Variants in PACRG observed in about 807,000 individuals in gnomAD.
PACRG encodes parkin coregulated gene protein.
A neutral mutation model predicts 29.7 loss-of-function variants in PACRG; 29 were observed. The observed-to-expected ratio is 0.98, with a 90% CI of 0.73 to 1.33. The LOEUF (loss-of-function observed/expected upper bound fraction) is 1.33, where lower values mean the gene tolerates loss of function less well. PACRG is among the 40% of genes most tolerant of loss of function. PACRG has a pLI of 0.00. For synonymous variants in PACRG, 116 were observed against 118.7 expected (o/e 0.98, Z 0.15); for missense variants, 279 against 316.2 (o/e 0.88, Z 0.89).
intron 2 of PACRG, among the ~76,000 whole-genome samples, chr6:162,876,924 A>G (rs913064600): frequency 2.6e-5 from 4 of 152,192 alleles, no homozygotes; most frequent in African/African-American, 9.7e-5. Flanking sequence ...GTTAGAATAA[A>G]GTCAGGAAAC....
chr6:162,763,262 G>A (rs1782519672), intron 1 of PACRG, among the ~76,000 whole-genome samples: 1 of 152,148 alleles, frequency 6.6e-6, no homozygotes. Flanking sequence ...CAGGGATTCA[G>A]CAATCTCCTG....
intron 4 of PACRG, among the ~76,000 whole-genome samples, chr6:163,107,828 C>T (rs1268524051): frequency 6.6e-6 from 1 of 152,142 alleles, no homozygotes; most frequent in Non-Finnish European, 1.5e-5. Context: ...TATTTATTTG[C>T]TGTTCTTTGT....
intron 4 of PACRG, among the ~76,000 whole-genome samples, chr6:163,217,985 T>C (rs1458920831): frequency 6.6e-6 from 1 of 152,084 alleles, no homozygotes; most frequent in Non-Finnish European, 1.5e-5. Flanking sequence ...CGTGAAACCC[T>C]CCCCGACACT....
intron 2 of PACRG, among the ~76,000 whole-genome samples, chr6:163,027,281 G>A (rs111840465): frequency 4.6e-5 from 7 of 152,110 alleles, no homozygotes; most frequent in Non-Finnish European, 7.4e-5. Context: ...CTCAAGGTTC[G>A]TCTGACTGCT....
intron 1 of PACRG, among the ~76,000 whole-genome samples, chr6:162,768,111 C>G (rs948106188): frequency 2.0e-5 from 3 of 152,050 alleles, no homozygotes; most frequent in African/African-American, 7.2e-5. Flanking sequence ...AAATCATTTT[C>G]CTTCTTAAAG....
chr6:163,272,918 G>A (rs531216080), intron 4 of PACRG, among the ~76,000 whole-genome samples: 3 of 51,732 alleles, frequency 5.8e-5, no homozygotes, highest in Non-Finnish European at 1.2e-4. Flanking sequence ...TTGAGACGGA[G>A]TCTTGCTCTG....
chr6:163,079,714 CCTT>C (rs1812891692), intron 3 of PACRG, among the ~76,000 whole-genome samples: 1 of 151,922 alleles, frequency 6.6e-6, no homozygotes, highest in Non-Finnish European at 1.5e-5. Context: ...TTTTCAAACT[CCTT>C]CTTGGAAATT....
intron 1 of PACRG, among the ~76,000 whole-genome samples, chr6:162,750,218 T>C (rs754038047): frequency 3.9e-5 from 6 of 152,226 alleles, no homozygotes; most frequent in Non-Finnish European, 8.8e-5. Flanking sequence ...ATAAATTTTA[T>C]TTCAGCCTTA....
At chr6:163,082,306 G>A (rs949455488) in intron 3 of PACRG, among the ~76,000 whole-genome samples, 5 of 152,072 alleles carry the variant, frequency 3.3e-5, no homozygotes, top group African/African-American at 1.2e-4. Flanking sequence ...AGTAAAGATG[G>A]CAATTGTCTG....
At chr6:162,881,715 G>C (rs1236636739) in intron 2 of PACRG, among the ~76,000 whole-genome samples, 1 of 150,956 alleles carries the variant, frequency 6.6e-6, no homozygotes, top group African/African-American at 2.4e-5. Context: ...GGGGTGGGGG[G>C]GTGCACTCTC....
chr6:163,314,566 G>T lies in PACRG; in HGVS notation c.614-261G>T, dbSNP rs763444154. ...GATCAAGAAAGAGAGTCCCCGACTT[G>T]TCATCTTTCTTGTAACTGTGATTCA... is the stretch of plus-strand genomic sequence containing the variant. On this transcript the variant is annotated intron_variant, in intron 4 of 4. Coordinates refer to ENST00000366888, the MANE Select transcript of PACRG (RefSeq NM_001080379.2). Among the ~76,000 whole-genome samples the T allele has an allele frequency of 2.6e-5, 4 of 152,142 alleles. No homozygotes were observed. In the South Asian group the frequency reaches 6.2e-4, roughly 24 times the overall value.
chr6:163,283,599 G>A (rs898056451), intron 4 of PACRG, among the ~76,000 whole-genome samples: 1 of 151,272 alleles, frequency 6.6e-6, no homozygotes, highest in Admixed American at 6.6e-5. Context: ...AGGAGATCGA[G>A]ACCATCCTGG....
intron 1 of PACRG, among the ~76,000 whole-genome samples, chr6:162,748,214 G>A (rs538117768): frequency 4.5e-4 from 69 of 152,232 alleles, no homozygotes; most frequent in Admixed American, 3.7e-3. Flanking sequence ...ATTCAGGGCC[G>A]GGGCTGTGGC....
intron 2 of PACRG, among the ~76,000 whole-genome samples, chr6:162,900,044 G>C (rs916677636): frequency 6.6e-6 from 1 of 152,100 alleles, no homozygotes; most frequent in Non-Finnish European, 1.5e-5. Context: ...GGGGGAGAGA[G>C]AGCCAGTTCC....
intron 4 of PACRG, chr6:163,112,217 C>T (rs369315529): frequency 3.4e-4 from 65 of 192,168 alleles, no homozygotes; most frequent in Non-Finnish European, 5.6e-4. Flanking sequence ...AGGATTGAAA[C>T]ATTCACAGAA....
intron 4 of PACRG, among the ~76,000 whole-genome samples, chr6:163,262,061 A>G (rs527273545): frequency 6.6e-6 from 1 of 152,356 alleles, no homozygotes; most frequent in Admixed American, 6.5e-5. Context: ...ACAAATATAT[A>G]GAAATGTATT....
chr6:162,739,181 C>T (rs1379231073), intron 1 of PACRG, among the ~76,000 whole-genome samples: 2 of 152,160 alleles, frequency 1.3e-5, no homozygotes, highest in East Asian at 1.9e-4. Context: ...TGGTATCAGA[C>T]TAAAATTGTA....
intron 2 of PACRG, among the ~76,000 whole-genome samples, chr6:162,941,093 C>T (rs1041447602): frequency 6.6e-6 from 1 of 151,716 alleles, no homozygotes; most frequent in African/African-American, 2.4e-5. Context: ...TGCATACACA[C>T]AATCCAGTAT....
intron 4 of PACRG, among the ~76,000 whole-genome samples, chr6:163,271,728 C>A (rs1783838705): frequency 6.6e-6 from 1 of 152,196 alleles, no homozygotes; most frequent in African/African-American, 2.4e-5. Flanking sequence ...GATTATTGGT[C>A]TTTTAAAGAA....
Sources: allele counts gnomAD v4.1 joint callset (sites outside exome capture counted in the v4.1 genomes callset), GRCh38; gene constraint gnomAD v4.1.1; transcripts MANE v1.5; gene names NCBI Gene and HGNC (gene_info 2026-07-23, HGNC 2026-07-21).